The following CCDC144A variants were observed in gnomAD, a reference collection of about 807,000 sequenced individuals.
CCDC144A encodes coiled-coil domain-containing protein 144A.
A neutral mutation model predicts 143.8 loss-of-function variants in CCDC144A; 41 were observed. That is an observed-to-expected ratio of 0.29 (90% CI 0.22 to 0.37). The LOEUF (loss-of-function observed/expected upper bound fraction) is 0.37. Ranked by LOEUF, CCDC144A falls within the 10% of genes least tolerant of loss-of-function variation. The probability of loss-of-function intolerance (pLI) is 1.00; values close to 1 mark genes in which losing one functional copy is unlikely to be tolerated. For missense variants in CCDC144A, 637 were observed against 1,488.8 expected, an observed-to-expected ratio of 0.43 and a Z score of 9.41; for synonymous variants, 242 against 517.9, an observed-to-expected ratio of 0.47 and a Z score of 7.23.
chr17:16,686,180 G>A (rs1208940475), upstream of CCDC144A, among the ~76,000 whole-genome samples: 1 of 149,384 alleles, frequency 6.7e-6, no homozygotes, highest in Non-Finnish European at 1.5e-5. Flanking sequence ...ACTCAGGGGT[G>A]AGCCACCACA....
At chr17:16,667,248 A>G in the CCDC144A span, 2 of 230,746 alleles carry the variant, frequency 8.7e-6, no homozygotes, top group South Asian at 4.2e-5. Flanking sequence ...TGAGGGGCTG[A>G]GGCGGCTGAG....
intron 12 of CCDC144A, among the ~76,000 whole-genome samples, chr17:16,750,812 C>T (rs1914754115): frequency 6.6e-6 from 1 of 151,894 alleles, no homozygotes; most frequent in Non-Finnish European, 1.5e-5. Context: ...GTAATCCTTC[C>T]CTCCGCTTGG....
intron 5 of CCDC144A, among the ~76,000 whole-genome samples, chr17:16,711,151 A>AAACAAAAAAAC (rs901845441): frequency 4.9e-5 from 7 of 141,488 alleles, no homozygotes; most frequent in African/African-American, 1.6e-4. Flanking sequence ...AAAAAAAAAA[A>AAACAAAAAAAC]AAAAAAACAA....
the CCDC144A span, among the ~76,000 whole-genome samples, chr17:16,682,894 T>TTG: frequency 3.7e-5 from 4 of 108,094 alleles, 1 homozygote; most frequent in Non-Finnish European, 7.6e-5. Flanking sequence ...TTTTTTTTTT[T>TTG]TTTTTTTTTT....
At chr17:16,720,261 A>G in intron 7 of CCDC144A, 30 bp downstream of exon 7, 1 of 1,521,326 alleles carries the variant, frequency 6.6e-7, no homozygotes, top group Non-Finnish European at 8.8e-7. Flanking sequence ...GATCTAAAAT[A>G]TTGTTTTTAA....
At chr17:16,680,297 C>T in the CCDC144A span, among the ~76,000 whole-genome samples, 1 of 151,876 alleles carries the variant, frequency 6.6e-6, no homozygotes. Context: ...GGCATGGTGG[C>T]ACTACCTGTA....
chr17:16,667,807 T>C, the CCDC144A span, among the ~76,000 whole-genome samples: 7 of 147,168 alleles, frequency 4.8e-5, no homozygotes, highest in African/African-American at 1.8e-4. Flanking sequence ...GAAACTTTCC[T>C]GGAACTGATA....
chr17:16,733,522 AAAG>A (rs1913851115), intron 11 of CCDC144A, among the ~76,000 whole-genome samples: 2 of 150,490 alleles, frequency 1.3e-5, no homozygotes, highest in Non-Finnish European at 3.0e-5. Flanking sequence ...AAAAAAAAGA[AAAG>A]AAAAATAGTT....
chr17:16,693,610 C>T (rs971825182), intron 2 of CCDC144A, among the ~76,000 whole-genome samples: 4 of 152,064 alleles, frequency 2.6e-5, no homozygotes, highest in African/African-American at 4.8e-5. Flanking sequence ...CCACCGCGCC[C>T]GGCCAAGAAA....
At chr17:16,753,750 G>T (rs1381282551) in intron 12 of CCDC144A, among the ~76,000 whole-genome samples, 3 of 152,092 alleles carry the variant, frequency 2.0e-5, no homozygotes, top group South Asian at 4.1e-4. Context: ...TTCCAATCTG[G>T]ATCCCCTTTA....
In CCDC144A at chr17:16,704,276, A is replaced by T. The variant is rs190198322; in HGVS notation, c.416-875A>T. ...GAGACCATCCTGGCTAACGCGGTGA[A>T]ACCCCGTCTCTACTAAAAATAAAAA... On this transcript the variant is annotated intron_variant, in intron 2 of 16. Coordinates refer to ENST00000399273, the MANE Select transcript of CCDC144A (RefSeq NM_001382000.1). Among the ~76,000 whole-genome samples the T allele has an allele frequency of 5.0e-4, 76 of 152,178 alleles. No homozygotes were observed. In the East Asian group the frequency reaches 0.01, roughly 20 times the overall value.
intron 12 of CCDC144A, among the ~76,000 whole-genome samples, chr17:16,743,619 G>A (rs1914356632): frequency 1.3e-5 from 2 of 152,042 alleles, no homozygotes; most frequent in Admixed American, 6.5e-5. Flanking sequence ...TTCCATTTCT[G>A]TGAAGAATGT....
At chr17:16,677,222 A>G in the CCDC144A span, among the ~76,000 whole-genome samples, 2 of 151,788 alleles carry the variant, frequency 1.3e-5, no homozygotes, top group South Asian at 4.2e-4. Context: ...GCCCTCCCTC[A>G]CCAATTCTCC....
intron 12 of CCDC144A, among the ~76,000 whole-genome samples, chr17:16,749,282 T>C (rs1031325430): frequency 2.0e-5 from 3 of 152,188 alleles, no homozygotes; most frequent in African/African-American, 7.2e-5. Flanking sequence ...GAAGTTTTGG[T>C]ATGATGTTTC....
chr17:16,706,981 T>G (rs1417202187), intron 3 of CCDC144A: 2 of 152,300 alleles, frequency 1.3e-5, no homozygotes, highest in Non-Finnish European at 2.9e-5. Flanking sequence ...AGCAGTCTGT[T>G]TTAAAAGATG....
At chr17:16,739,560 T>C (rs3101949) in intron 12 of CCDC144A, among the ~76,000 whole-genome samples, 109,865 of 141,656 alleles carry the variant, frequency 0.78, 43,562 homozygotes, top group African/African-American at 0.93. Flanking sequence ...TTACATTTAG[T>C]GGTTCTATTT....
intron 16 of CCDC144A, among the ~76,000 whole-genome samples, chr17:16,772,972 G>GA (rs2042787985): frequency 6.6e-6 from 1 of 152,246 alleles, no homozygotes; most frequent in Non-Finnish European, 1.5e-5. Context: ...TGAAGAATGA[G>GA]AAAACCAGAA....
chr17:16,706,257 G>A (rs1188903538), intron 3 of CCDC144A: 7 of 147,150 alleles, frequency 4.8e-5, no homozygotes, highest in African/African-American at 1.0e-4. Flanking sequence ...ACCACCTTGC[G>A]TTAATAAATG....
chr17:16,719,094 T>C (rs1440672930), intron 6 of CCDC144A, among the ~76,000 whole-genome samples: 1 of 151,224 alleles, frequency 6.6e-6, no homozygotes, highest in Non-Finnish European at 1.5e-5. Context: ...CCTCCCAAAG[T>C]GCTGAGATTA....
Sources: gnomAD v4.1 joint callset for allele counts (sites outside exome capture counted in the v4.1 genomes callset) on GRCh38, gnomAD v4.1.1 for gene constraint, MANE v1.5 for transcripts, NCBI Gene and HGNC (gene_info 2026-07-23, HGNC 2026-07-21) for gene names.